Variants in PITPNM3 observed in about 807,000 individuals in gnomAD.
PITPNM3 encodes the protein PITPNM family member 3.
A neutral mutation model predicts 102.0 loss-of-function variants in PITPNM3; 26 were observed. The ratio of observed to expected loss-of-function variants is 0.25; its 90% CI spans 0.19 to 0.35. The LOEUF (loss-of-function observed/expected upper bound fraction) is 0.35. PITPNM3 is among the 10% of genes least tolerant of loss of function. The pLI is 1.00. For missense variants in PITPNM3, 1,083 were observed against 1,346.1 expected (o/e 0.80, Z 3.06); for synonymous variants, 578 against 558.6 (o/e 1.03, Z -0.49).
chr17:6,475,149 C>T (rs1317657325), intron 9 of PITPNM3, among the ~76,000 whole-genome samples: 1 of 152,186 alleles, frequency 6.6e-6, no homozygotes, highest in Admixed American at 6.5e-5. Flanking sequence ...GGGCTTTCAT[C>T]GTAATTCCTG....
chr17:6,476,895 G>T, intron 9 of PITPNM3, 134 bp downstream of exon 9: 1 of 1,078,776 alleles, frequency 9.3e-7, no homozygotes, highest in Non-Finnish European at 1.3e-6. Flanking sequence ...GGCCGATGGC[G>T]AGTGGCCTTG....
Position 6,468,167 on chromosome 17 carries a change from C to T in PITPNM3, c.1890+58G>A. 1 of 1,552,470 alleles carries T rather than the reference C, an allele frequency of 6.4e-7. No homozygotes were observed. The highest frequency in any genetic ancestry group is 1.1e-5 in the South Asian group (1 of 89,710). On this transcript the variant is annotated intron_variant, in intron 14 of 19. Coordinates refer to ENST00000262483, the MANE Select transcript of PITPNM3 (RefSeq NM_031220.4). The surrounding 1 kb of genome is among the most constrained non-coding windows in gnomAD (Gnocchi z 5.2). ...CATGTGGATGCCCCAGCCCCCGGGC[C>T]AGCCCCACCTCCCGGAGGACACAGT...
intron 14 of PITPNM3, among the ~76,000 whole-genome samples, chr17:6,465,377 G>A (rs1057243727): frequency 1.3e-5 from 2 of 152,212 alleles, no homozygotes; most frequent in African/African-American, 4.8e-5. Flanking sequence ...TCGGCCCTGA[G>A]GGGACAACTG....
At chr17:6,522,134 C>T (rs962337773) in intron 3 of PITPNM3, among the ~76,000 whole-genome samples, 1 of 152,020 alleles carries the variant, frequency 6.6e-6, no homozygotes, top group Non-Finnish European at 1.5e-5. Context: ...AACACTCAGG[C>T]CCAGCAGGAA....
chr17:6,471,283 G>A lies in PITPNM3; in HGVS notation c.1502C>T (p.Ala501Val). The change falls in exon 12 of 20, where the codon GCC becomes GTC. Residue 501 changes from alanine to valine, a missense_variant. Physicochemically the swap from Ala to Val is moderately conservative, Grantham distance 64. Transcript: ENST00000262483. ...SSRDSPPLLD[A>V]PASPPQASRF... ...CGAGGCCTGAGGGGGCGAGGCAGGG[G>A]CATCCAGAAGTGGCGGGCTGTCCCG... 1 of 1,613,040 alleles carries A rather than the reference G, an allele frequency of 6.2e-7. No homozygotes were observed. Among genetic ancestry groups the A allele is most frequent in the Admixed American group, 1.7e-5 (1 of 59,964 alleles).
intron 18 of PITPNM3, among the ~76,000 whole-genome samples, chr17:6,460,077 T>A (rs1904370776): frequency 6.6e-6 from 1 of 152,108 alleles, no homozygotes; most frequent in Admixed American, 6.6e-5. Context: ...CCCGTGACCC[T>A]CAGCAGAGAA....
rs763123501 is a variant in PITPNM3, at chr17:6,455,403, G to C, written c.2860C>G (p.His954Asp). ...CTGAGCGCCGGCAGCGGCCGCTCGT[G>C]GTCTTTGTCCGACTCGGGCTGGCTC... is the stretch of plus-strand genomic sequence containing the variant. ...AQSQPESDKD[H>D]ERPLPALSWA... Residue 954 changes from histidine to aspartate, a missense_variant, in exon 20 of 20, where the codon CAC becomes GAC. Around this residue, in one of 5 missense-constraint regions of PITPNM3, gnomAD observed 208 missense variants for 178.2 expected, o/e 1.17. Transcript: ENST00000262483. 5 of 1,600,212 alleles carry C rather than the reference G, an allele frequency of 3.1e-6. No individual in the cohort carries two copies. The Admixed American group carries it at 5.1e-5, about 16-fold the overall frequency.
chr17:6,483,678 C>T lies in PITPNM3; in HGVS notation c.426G>A (p.Thr142=), dbSNP rs145663997. 1.2e-4 allele frequency: 190 copies of T among 1,614,042 alleles called. No homozygotes were observed. The African/African-American group carries it at 1.4e-3, about 12-fold the overall frequency. Residue 142 remains threonine, a synonymous_variant, in exon 6 of 20, where the codon ACG becomes ACA. Transcript: ENST00000262483. ...LVLHGGNILD[T]GAGDPSCKAA... is the part of the protein sequence containing the mutation. ...CCTTGCAGGACGGGTCCCCGGCACC[C>T]GTGTCCAGGATGTTTCCCCCATGCA...
chr17:6,555,400 C>A (rs1287052935), intron 1 of PITPNM3, among the ~76,000 whole-genome samples: 1 of 152,222 alleles, frequency 6.6e-6, no homozygotes, highest in East Asian at 1.9e-4. Context: ...CGCGCCCGGT[C>A]CTGGGGGACG....
At chr17:6,552,762 C>CTTTTTTTTTTTTT in intron 1 of PITPNM3, among the ~76,000 whole-genome samples, 1 of 89,010 alleles carries the variant, frequency 1.1e-5, no homozygotes, top group Non-Finnish European at 2.2e-5. Flanking sequence ...CTTTCTTTTT[C>CTTTTTTTTTTTTT]TTTTTTTTTT....
chr17:6,507,792 A>G lies in PITPNM3; in HGVS notation c.227-4218T>C, dbSNP rs79008830. ...CGCAGGGAGGAGCCGGGTCTGAGTC[A>G]TTACCTCCACATTCTCATGCCAAGT... On this transcript the variant is annotated intron_variant, in intron 3 of 19. Coordinates refer to ENST00000262483, the MANE Select transcript of PITPNM3 (RefSeq NM_031220.4). 3.1e-4 allele frequency among the ~76,000 whole-genome samples: 47 copies of G among 152,228 alleles called. No homozygotes were observed. In the East Asian group the frequency reaches 8.7e-3, roughly 28 times the overall value.
At position 6,478,006 on chromosome 17, in the gene PITPNM3, C is replaced by T; in HGVS notation, c.869G>A (p.Ser290Asn). ...AGPSGDSPAS[S>N]SRKGSISSTQ... ...GCTGCTGATGCTCCCCTTCCGGCTG[C>T]TGCTGGCAGGGCTGTCCCCTGAGGG... is the stretch of plus-strand genomic sequence containing the variant. The change falls in exon 8 of 20, where the codon AGC becomes AAC. Residue 290 changes from serine to asparagine, a missense_variant. Around this residue, in one of 5 missense-constraint regions of PITPNM3, gnomAD observed 172 missense variants for 175.6 expected, o/e 0.98. Coordinates refer to ENST00000262483, the MANE Select transcript of PITPNM3 (RefSeq NM_031220.4). The surrounding 1 kb of genome is among the most constrained non-coding windows in gnomAD (Gnocchi z 4.4). The T allele has an allele frequency of 6.2e-7, 1 of 1,613,558 alleles. No homozygotes were observed. The highest frequency in any genetic ancestry group is 8.5e-7 in the Non-Finnish European group (1 of 1,180,036).
chr17:6,534,987 G>A (rs936343223), intron 2 of PITPNM3, among the ~76,000 whole-genome samples: 2 of 152,136 alleles, frequency 1.3e-5, no homozygotes, highest in Admixed American at 6.5e-5. Context: ...ACCTCCACAC[G>A]TGCAGGAACT....
intron 3 of PITPNM3, among the ~76,000 whole-genome samples, chr17:6,507,066 G>T (rs1907566580): frequency 6.6e-6 from 1 of 151,970 alleles, no homozygotes; most frequent in Non-Finnish European, 1.5e-5. Flanking sequence ...CCTAACCTCA[G>T]CCCTGCCTGC....
chr17:6,515,397 C>CAAAAAAAAAAAAAAA (rs61420968), intron 3 of PITPNM3, among the ~76,000 whole-genome samples: 1 of 82,222 alleles, frequency 1.2e-5, no homozygotes, highest in African/African-American at 4.4e-5. Context: ...GACTCCATCT[C>CAAAAAAAAAAAAAAA]AAAAAAAAAA....
chr17:6,509,935 C>T (rs1166795843), intron 3 of PITPNM3, among the ~76,000 whole-genome samples: 1 of 152,162 alleles, frequency 6.6e-6, no homozygotes, highest in Non-Finnish European at 1.5e-5. Context: ...CTTTTCCACC[C>T]CTGCCTCTTT....
chr17:6,549,655 G>A (rs547438601), intron 1 of PITPNM3, among the ~76,000 whole-genome samples: 85 of 152,224 alleles, frequency 5.6e-4, no homozygotes, highest in Admixed American at 1.9e-3. Context: ...TTTGCAAAAG[G>A]GGGTGCAATT....
Position 6,454,344 on chromosome 17 carries a change from T to A in PITPNM3, c.*994A>T, listed in dbSNP as rs1400749982. ...CCCTTCCCAGCCCACCCAGAGAGGC[T>A]CCTTTAAGAGCCCCTCCTTTCCAGC... On this transcript the variant is annotated 3_prime_UTR_variant, in exon 20 of 20. Transcript: ENST00000262483. 6.6e-6 allele frequency: 1 copy of A among 151,738 alleles called. No individual in the cohort carries two copies. Among genetic ancestry groups the A allele is most frequent in the East Asian group, 2.0e-4 (1 of 5,124 alleles). 9.4% of individuals were successfully genotyped at this position (151,738 alleles called of 1,614,324 possible).
At chr17:6,522,283 T>TGTGC (rs1555559201) in intron 3 of PITPNM3, among the ~76,000 whole-genome samples, 7 of 81,468 alleles carry the variant, frequency 8.6e-5, no homozygotes, top group African/African-American at 3.8e-4. Flanking sequence ...ATATTTAGTG[T>TGTGC]GCGCACACAC....
Sources: gnomAD v4.1 joint callset for allele counts (sites outside exome capture counted in the v4.1 genomes callset) on GRCh38, gnomAD v4.1.1 for gene constraint, gnomAD v4.1.1 regional missense constraint, Gnocchi (gnomAD v3.1) non-coding constraint, MANE v1.5 for transcripts, NCBI Gene and HGNC (gene_info 2026-07-23, HGNC 2026-07-21) for gene names.